The following SPIDR variants were observed in gnomAD, a reference collection of about 807,000 sequenced individuals.
SPIDR encodes the protein DNA repair-scaffolding protein.
Under a neutral mutation model 104.6 loss-of-function variants are expected in SPIDR, and 93 were observed. The ratio of observed to expected loss-of-function variants is 0.89; its 90% CI spans 0.75 to 1.06. The LOEUF (loss-of-function observed/expected upper bound fraction) is 1.06. Among genes scored for constraint, SPIDR ranks in the 50% least tolerant of loss-of-function variants. The pLI, the probability that SPIDR is intolerant of heterozygous loss-of-function variation, is 0.00. For missense variants in SPIDR, 1,154 were observed against 1,111.2 expected, an observed-to-expected ratio of 1.04 and a Z score of -0.55; for synonymous variants, 431 against 416.9, an observed-to-expected ratio of 1.03 and a Z score of -0.41.
intron 7 of SPIDR, among the ~76,000 whole-genome samples, chr8:47,434,912 T>G (rs1483318074): frequency 1.3e-5 from 2 of 152,234 alleles, no homozygotes; most frequent in African/African-American, 4.8e-5. Context: ...AACTCAGTAG[T>G]CACAGACATA....
At chr8:47,484,433 TC>T (rs1165156578) in intron 8 of SPIDR, among the ~76,000 whole-genome samples, 1 of 152,140 alleles carries the variant, frequency 6.6e-6, no homozygotes, top group African/African-American at 2.4e-5. Context: ...CCTCCTGAGG[TC>T]CTGGTGAACC....
At chr8:47,504,428 G>A (rs375395542) in intron 8 of SPIDR, among the ~76,000 whole-genome samples, 5 of 151,624 alleles carry the variant, frequency 3.3e-5, no homozygotes, top group East Asian at 1.9e-4. Context: ...TGATCGAATC[G>A]GCTACTGAGG....
chr8:47,292,366 T>C (rs1402383123), intron 4 of SPIDR, among the ~76,000 whole-genome samples: 4 of 152,212 alleles, frequency 2.6e-5, no homozygotes, highest in African/African-American at 9.6e-5. Context: ...TGAAGTGGTA[T>C]TTTAAGATTG....
At chr8:47,290,768 C>T (rs1054363504) in intron 3 of SPIDR, among the ~76,000 whole-genome samples, 1 of 152,122 alleles carries the variant, frequency 6.6e-6, no homozygotes, top group African/African-American at 2.4e-5. Flanking sequence ...TTCCGGTTTT[C>T]ATTTGTGCTC....
chr8:47,711,588 C>G (rs2081894926), intron 14 of SPIDR, among the ~76,000 whole-genome samples: 1 of 152,068 alleles, frequency 6.6e-6, no homozygotes, highest in Non-Finnish European at 1.5e-5. Flanking sequence ...ATTGAGATAT[C>G]ATTGCCTCTC....
At chr8:47,398,718 C>G (rs1364571005) in intron 6 of SPIDR, among the ~76,000 whole-genome samples, 5 of 152,200 alleles carry the variant, frequency 3.3e-5, no homozygotes, top group African/African-American at 1.2e-4. Flanking sequence ...GTGTCCAGAT[C>G]TTTTGAAGCA....
chr8:47,393,217 C>G (rs1277827863), intron 5 of SPIDR, among the ~76,000 whole-genome samples: 1 of 152,220 alleles, frequency 6.6e-6, no homozygotes, highest in Admixed American at 6.5e-5. Context: ...TTAGCAACTC[C>G]TGCCTGAATG....
intron 14 of SPIDR, among the ~76,000 whole-genome samples, chr8:47,711,167 G>A (rs2081832306): frequency 6.6e-6 from 1 of 151,948 alleles, no homozygotes; most frequent in African/African-American, 2.4e-5. Context: ...TATTTAAGCT[G>A]GTTCCTGTGT....
Position 47,727,206 on chromosome 8 carries a change from T to G in SPIDR, c.2348T>G (p.Val783Gly), listed in dbSNP as rs1218292918. ...VNSICSVQGT[V>G]VGVDESTAFS... is the part of the protein sequence containing the mutation. ...TTCCTTCTCTTGGGCCTAGGCACTG[T>G]GGTTGGCGTGGACGAGAGCACTGCT... The change falls in exon 17 of 20, where the codon GTG (valine) becomes GGG (glycine). Residue 783 changes from valine to glycine, a missense_variant. Coordinates refer to ENST00000297423, the MANE Select transcript of SPIDR (RefSeq NM_001080394.4). 1 of 1,614,074 alleles carries G rather than the reference T, an allele frequency of 6.2e-7. No individual in the cohort carries two copies. Among genetic ancestry groups the G allele is most frequent in the East Asian group, 2.2e-5 (1 of 44,864 alleles).
At chr8:47,528,018 T>C (rs1316871948) in intron 8 of SPIDR, 1 of 152,228 alleles carries the variant, frequency 6.6e-6, no homozygotes, top group African/African-American at 2.4e-5. Context: ...GGCTTGCTCA[T>C]CCAGCTCTGA....
chr8:47,731,157 G>C (rs1022976747), intron 19 of SPIDR, among the ~76,000 whole-genome samples: 4 of 152,048 alleles, frequency 2.6e-5, no homozygotes, highest in Admixed American at 2.6e-4. Context: ...TCGGGAGGCT[G>C]AGGCAGGAGA....
intron 8 of SPIDR, among the ~76,000 whole-genome samples, chr8:47,540,767 G>T (rs1458249773): frequency 1.3e-5 from 2 of 152,112 alleles, no homozygotes; most frequent in Non-Finnish European, 1.5e-5. Context: ...GAAACTTTGT[G>T]ACTGGGACAT....
intron 14 of SPIDR, among the ~76,000 whole-genome samples, chr8:47,706,951 C>G (rs1269207105): frequency 1.3e-5 from 2 of 151,952 alleles, no homozygotes; most frequent in African/African-American, 4.8e-5. Flanking sequence ...GACTCCGTCT[C>G]TATTTAAATT....
chr8:47,265,666 G>A (rs1341768431), intron 1 of SPIDR, among the ~76,000 whole-genome samples: 1 of 152,222 alleles, frequency 6.6e-6, no homozygotes, highest in Admixed American at 6.5e-5. Context: ...AAAAAAGTTT[G>A]TTGTAAAACT....
At chr8:47,692,107 G>C (rs1219959039) in intron 11 of SPIDR, among the ~76,000 whole-genome samples, 5 of 152,204 alleles carry the variant, frequency 3.3e-5, no homozygotes, top group Non-Finnish European at 7.4e-5. Context: ...GTCAGGTTTA[G>C]TGGTCTCCTG....
intron 8 of SPIDR, among the ~76,000 whole-genome samples, chr8:47,570,627 A>G (rs2058399930): frequency 6.6e-6 from 1 of 152,226 alleles, no homozygotes; most frequent in East Asian, 1.9e-4. Context: ...GTTAACCCAC[A>G]GAATGGAGGG....
intron 10 of SPIDR, among the ~76,000 whole-genome samples, chr8:47,668,883 CA>C (rs1589023118): frequency 6.6e-6 from 1 of 151,998 alleles, no homozygotes; most frequent in East Asian, 1.9e-4. Flanking sequence ...GTAGATCTAA[CA>C]AAACATGTAC....
At chr8:47,324,701 A>G (rs782749424) in intron 5 of SPIDR, among the ~76,000 whole-genome samples, 11 of 152,190 alleles carry the variant, frequency 7.2e-5, no homozygotes, top group Non-Finnish European at 1.3e-4. Flanking sequence ...CAGTTCACCA[A>G]TTACTTGGAA....
At chr8:47,538,857 C>CTTTTTTTTTTT (rs1161571829) in intron 8 of SPIDR, among the ~76,000 whole-genome samples, 16 of 100,838 alleles carry the variant, frequency 1.6e-4, no homozygotes, top group Non-Finnish European at 2.1e-4. Flanking sequence ...TTTTTCTTTT[C>CTTTTTTTTTTT]TTTTTTTTTT....
Sources: allele counts gnomAD v4.1 joint callset (sites outside exome capture counted in the v4.1 genomes callset), GRCh38; gene constraint gnomAD v4.1.1; transcripts MANE v1.5; gene names NCBI Gene and HGNC (gene_info 2026-07-23, HGNC 2026-07-21).